PURG: variants seen among roughly 807,000 people sequenced by gnomAD.
PURG encodes the protein purine-rich element-binding protein gamma.
Under a neutral mutation model 24.3 loss-of-function variants are expected in PURG, and 3 were observed. The ratio of observed to expected loss-of-function variants is 0.12; its 90% CI spans 0.06 to 0.32. The LOEUF (loss-of-function observed/expected upper bound fraction) is 0.32, where lower values mean the gene tolerates loss of function less well. Among genes scored for constraint, PURG ranks in the 10% least tolerant of loss-of-function variants. The pLI is 1.00. For synonymous variants in PURG, 180 were observed against 173.1 expected (o/e 1.04, Z -0.31); for missense variants, 371 against 439.1 (o/e 0.84, Z 1.39).
intron 1 of PURG, among the ~76,000 whole-genome samples, chr8:31,022,092 T>A (rs542560328): frequency 2.0e-5 from 3 of 152,058 alleles, no homozygotes; most frequent in African/African-American, 7.2e-5. Context: ...TGCCTCAGCC[T>A]TCTGACTAGC....
chr8:31,017,742 G>A (rs1810904382), intron 1 of PURG, among the ~76,000 whole-genome samples: 1 of 152,084 alleles, frequency 6.6e-6, no homozygotes. Flanking sequence ...GAACTTACTT[G>A]GAAACTTGTT....
At position 31,032,175 on chromosome 8, in the gene PURG, A is replaced by C; in HGVS notation, c.608T>G (p.Met203Arg). ...ATAACCTATCATGCCAGTCCCCCGC[A>C]TCATGGTTTGTCTAATCCGTAGGAA... ...GRFLRIRQTM[M>R]RGTGMIGYFG... Residue 203 changes from methionine (M) to arginine (R), a missense_variant, in exon 2 of 2, where the codon ATG becomes AGG. By Grantham distance (91) the Met-to-Arg change is moderately conservative (BLOSUM62 -1). Transcript: ENST00000523392. The surrounding 1 kb of genome is among the most constrained non-coding windows in gnomAD (Gnocchi z 5.9). 6.2e-7 allele frequency: 1 copy of C among 1,614,118 alleles called. No individual in the cohort carries two copies. Among genetic ancestry groups the C allele is most frequent in the Non-Finnish European group, 8.5e-7 (1 of 1,179,998 alleles).
intron 1 of PURG, among the ~76,000 whole-genome samples, chr8:31,004,512 A>C (rs1268489504): frequency 1.3e-5 from 2 of 152,150 alleles, no homozygotes; most frequent in Admixed American, 6.5e-5. Context: ...CCTGGCTAAC[A>C]TGGTGAAACC....
At chr8:30,998,334 A>C (rs1353699864) in intron 1 of PURG, among the ~76,000 whole-genome samples, 4 of 151,842 alleles carry the variant, frequency 2.6e-5, no homozygotes, top group Non-Finnish European at 5.9e-5. Flanking sequence ...TCAGAAAAAC[A>C]TGTAACTAGG....
At chr8:31,000,637 A>T (rs1337261593) in intron 1 of PURG, among the ~76,000 whole-genome samples, 1 of 152,118 alleles carries the variant, frequency 6.6e-6, no homozygotes, top group African/African-American at 2.4e-5. Flanking sequence ...TAAGAACATA[A>T]AAGTACTAAA....
At chr8:31,005,397 C>A (rs1362976851) in intron 1 of PURG, among the ~76,000 whole-genome samples, 1 of 150,222 alleles carries the variant, frequency 6.7e-6, no homozygotes, top group Admixed American at 6.7e-5. Context: ...TGTGACACTG[C>A]ACTCCAGCCT....
chr8:31,012,279 T>C (rs745513865), intron 1 of PURG, among the ~76,000 whole-genome samples: 2 of 152,330 alleles, frequency 1.3e-5, no homozygotes, highest in South Asian at 4.1e-4. Flanking sequence ...CTCTTGGAAC[T>C]GGAAGAATTG....
chr8:30,999,217 A>C (rs1810488749), intron 1 of PURG, among the ~76,000 whole-genome samples: 1 of 151,864 alleles, frequency 6.6e-6, no homozygotes, highest in African/African-American at 2.4e-5. Context: ...GAGTTTAGAT[A>C]AATTATGACT....
At chr8:31,030,118 T>C (rs1004467777), downstream of PURG, among the ~76,000 whole-genome samples, 25 of 152,010 alleles carry the variant, frequency 1.6e-4, no homozygotes, top group African/African-American at 6.0e-4. Context: ...TCAAGTTTTC[T>C]TAGTGACCTC....
chr8:31,000,506 A>G (rs1461602204), intron 1 of PURG, among the ~76,000 whole-genome samples: 3 of 152,168 alleles, frequency 2.0e-5, no homozygotes, highest in Non-Finnish European at 4.4e-5. Context: ...TCAAAATTCT[A>G]TTGTTCAGAG....
chr8:31,001,081 T>G (rs1810527039), intron 1 of PURG, among the ~76,000 whole-genome samples: 1 of 152,338 alleles, frequency 6.6e-6, no homozygotes, highest in Non-Finnish European at 1.5e-5. Context: ...TAATAGAAGC[T>G]GCAGATTTAT....
At chr8:31,020,684 C>G (rs1003784056) in intron 1 of PURG, among the ~76,000 whole-genome samples, 1 of 152,108 alleles carries the variant, frequency 6.6e-6, no homozygotes, top group Non-Finnish European at 1.5e-5. Context: ...TTGCTTGTTT[C>G]AAGATTTGTA....
At chr8:31,000,396 T>C (rs551013114) in intron 1 of PURG, among the ~76,000 whole-genome samples, 11 of 152,260 alleles carry the variant, frequency 7.2e-5, no homozygotes, top group African/African-American at 2.4e-4. Flanking sequence ...TATTTGCAAA[T>C]AAATGGAATG....
At chr8:31,004,643 A>G (rs1810606810) in intron 1 of PURG, among the ~76,000 whole-genome samples, 1 of 152,320 alleles carries the variant, frequency 6.6e-6, no homozygotes, top group East Asian at 1.9e-4. Flanking sequence ...ACTGCACTCC[A>G]GACTGGGCAA....
chr8:30,996,391 T>C, exon 2 of PURG: 1 of 401,646 alleles, frequency 2.5e-6, no homozygotes. Flanking sequence ...ACCCAAAAAC[T>C]GGATAGAGTC....
At chr8:31,028,460 T>G (rs1811129298), downstream of PURG, among the ~76,000 whole-genome samples, 1 of 151,840 alleles carries the variant, frequency 6.6e-6, no homozygotes, top group Non-Finnish European at 1.5e-5. Flanking sequence ...ATTAAATTAG[T>G]GAACTGACAG....
At position 31,009,644 on chromosome 8, in the gene PURG, C is replaced by T. The variant is rs564714870; in HGVS notation, c.865-12947G>A. 1.9e-3 allele frequency among the ~76,000 whole-genome samples: 282 copies of T among 152,212 alleles called. 1 individual carries two copies. Among genetic ancestry groups the T allele is most frequent in the Admixed American group, 3.5e-3 (53 of 15,272 alleles). ...GAAATATTTCTAACATGTATTATTT[C>T]GATTTTCTGCTTTAATAAATACAAC... On this transcript the variant is annotated intron_variant, in intron 1 of 1. Coordinates refer to the PURG transcript ENST00000339382.
At chr8:31,016,476 C>A (rs1052137391) in intron 1 of PURG, among the ~76,000 whole-genome samples, 5 of 141,446 alleles carry the variant, frequency 3.5e-5, no homozygotes, top group Admixed American at 1.5e-4. Flanking sequence ...ATATTGTAAC[C>A]AAAAAAATCA....
At chr8:31,019,135 A>T (rs1402714466) in intron 1 of PURG, among the ~76,000 whole-genome samples, 1 of 31,374 alleles carries the variant, frequency 3.2e-5, no homozygotes, top group Non-Finnish European at 7.0e-5. Flanking sequence ...AAAAAAAAAA[A>T]AAAAAAAAAA....
Sources: gnomAD v4.1 joint callset for allele counts (sites outside exome capture counted in the v4.1 genomes callset) on GRCh38, gnomAD v4.1.1 for gene constraint, Gnocchi (gnomAD v3.1) non-coding constraint, MANE v1.5 for transcripts, NCBI Gene and HGNC (gene_info 2026-07-23, HGNC 2026-07-21) for gene names.